The following LHFPL6 variants were observed in gnomAD, a reference collection of about 807,000 sequenced individuals.
LHFPL6 encodes LHFPL tetraspan subfamily member 6, also known as LHFPL tetraspan subfamily member 6 protein.
Under a neutral mutation model 20.6 loss-of-function variants are expected in LHFPL6, and 9 were observed. That is an observed-to-expected ratio of 0.44 (90% confidence interval 0.26 to 0.76). LHFPL6 has a LOEUF of 0.76. LHFPL6 is among the 30% of genes least tolerant of loss of function. The pLI, the probability that LHFPL6 is intolerant of heterozygous loss-of-function variation, is 0.20. For synonymous variants in LHFPL6, 105 were observed against 98.7 expected, an observed-to-expected ratio of 1.06 and a Z score of -0.38; for missense variants, 218 against 253.5, an observed-to-expected ratio of 0.86 and a Z score of 0.95.
chr13:39,543,190 T>C (rs1378240819), intron 2 of LHFPL6, among the ~76,000 whole-genome samples: 2 of 152,262 alleles, frequency 1.3e-5, no homozygotes, highest in Admixed American at 1.3e-4. Flanking sequence ...ATCAGAATTT[T>C]ATTTCTTTTT....
At position 39,446,202 on chromosome 13, in the gene LHFPL6, A is replaced by G. The variant is rs1452543405; in HGVS notation, c.386-67676T>C. Reference sequence around the variant, plus strand: ...CCCTGATAAAGTGGAAGAAATATGAAGATTCAGATACAGCCTGAAGCCCAT... The same window carrying G: ...CCCTGATAAAGTGGAAGAAATATGAGGATTCAGATACAGCCTGAAGCCCAT... On this transcript the variant is annotated intron_variant, in intron 2 of 3. Coordinates refer to ENST00000379589, the MANE Select transcript of LHFPL6 (RefSeq NM_005780.3). Among the ~76,000 whole-genome samples, 3 of 152,192 alleles carry G rather than the reference A, an allele frequency of 2.0e-5. No homozygotes were observed. The East Asian group carries it at 5.8e-4, about 29-fold the overall frequency.
chr13:39,544,177 AAG>A (rs762550908), intron 2 of LHFPL6, among the ~76,000 whole-genome samples: 26 of 152,304 alleles, frequency 1.7e-4, no homozygotes, highest in East Asian at 3.9e-4. Context: ...TTTTGGCAAA[AAG>A]AGGGGGAAAT....
At chr13:39,560,207 C>T (rs555053624) in intron 2 of LHFPL6, among the ~76,000 whole-genome samples, 1 of 152,308 alleles carries the variant, frequency 6.6e-6, no homozygotes, top group African/African-American at 2.4e-5. Context: ...GCATGCTTTG[C>T]CAAAATGTAG....
chr13:39,362,917 C>T (rs1426902594), intron 3 of LHFPL6, among the ~76,000 whole-genome samples: 2 of 152,208 alleles, frequency 1.3e-5, no homozygotes, highest in Non-Finnish European at 2.9e-5. Context: ...AGAGTGTCAT[C>T]CATCTTCTCC....
intron 2 of LHFPL6, among the ~76,000 whole-genome samples, chr13:39,570,517 T>C (rs1341751472): frequency 6.6e-6 from 1 of 151,118 alleles, no homozygotes; most frequent in Non-Finnish European, 1.5e-5. Flanking sequence ...GGGAGTAAAA[T>C]AATAGAGTAA....
At chr13:39,547,177 C>A (rs1871007954) in intron 2 of LHFPL6, among the ~76,000 whole-genome samples, 2 of 152,048 alleles carry the variant, frequency 1.3e-5, no homozygotes, top group Non-Finnish European at 2.9e-5. Context: ...TTTACTAGTT[C>A]TAATTTTAAT....
At chr13:39,509,400 T>C (rs1869606569) in intron 2 of LHFPL6, among the ~76,000 whole-genome samples, 1 of 152,162 alleles carries the variant, frequency 6.6e-6, no homozygotes, top group African/African-American at 2.4e-5. Context: ...TCTTTTCTTC[T>C]AGAAGTTTTA....
chr13:39,458,869 T>G (rs1007181940), intron 2 of LHFPL6, among the ~76,000 whole-genome samples: 1 of 152,162 alleles, frequency 6.6e-6, no homozygotes, highest in Non-Finnish European at 1.5e-5. Flanking sequence ...AATTAAAATA[T>G]TGTAAGGAAA....
intron 2 of LHFPL6, among the ~76,000 whole-genome samples, chr13:39,406,541 T>C (rs1043027843): frequency 2.0e-5 from 3 of 152,210 alleles, no homozygotes; most frequent in Admixed American, 1.3e-4. Context: ...AAGTAATTCT[T>C]GTAAATGCAA....
intron 2 of LHFPL6, among the ~76,000 whole-genome samples, chr13:39,489,924 A>C (rs1868861763): frequency 1.3e-5 from 2 of 152,152 alleles, no homozygotes; most frequent in Non-Finnish European, 2.9e-5. Flanking sequence ...GGCTGGAGTA[A>C]AGTTTAGACC....
chr13:39,527,474 A>G (rs555037965), intron 2 of LHFPL6, among the ~76,000 whole-genome samples: 1 of 152,064 alleles, frequency 6.6e-6, no homozygotes, highest in African/African-American at 2.4e-5. Context: ...CCATCTTTGA[A>G]CAACCGACAA....
Position 39,507,480 on chromosome 13 carries a change from G to A in LHFPL6, c.385+93352C>T, listed in dbSNP as rs180745393. Among the ~76,000 whole-genome samples, 385 of 152,174 alleles carry A rather than the reference G, an allele frequency of 2.5e-3. 1 individual carries two copies. Among genetic ancestry groups the A allele is most frequent in the African/African-American group, 8.8e-3 (367 of 41,490 alleles). ...CAGGCATTTCTCCCCAAAGTATGTG[G>A]GAAATGCCCCAAATTGCTGCAGTTT... On this transcript the variant is annotated intron_variant, in intron 2 of 3. Coordinates refer to ENST00000379589, the MANE Select transcript of LHFPL6 (RefSeq NM_005780.3).
At chr13:39,541,885 C>T (rs1335977607) in intron 2 of LHFPL6, among the ~76,000 whole-genome samples, 3 of 151,354 alleles carry the variant, frequency 2.0e-5, no homozygotes, top group African/African-American at 4.9e-5. Flanking sequence ...ATCAGGAGAT[C>T]GAGACCATCC....
chr13:39,488,730 T>C (rs1485772055), intron 2 of LHFPL6, among the ~76,000 whole-genome samples: 1 of 152,184 alleles, frequency 6.6e-6, no homozygotes, highest in Non-Finnish European at 1.5e-5. Flanking sequence ...CCTGAAAACA[T>C]GAAGCAAAGT....
chr13:39,388,084 T>C (rs1316256074), intron 2 of LHFPL6, among the ~76,000 whole-genome samples: 9 of 152,190 alleles, frequency 5.9e-5, no homozygotes, highest in Admixed American at 3.9e-4. Flanking sequence ...AAAGCATATC[T>C]TATTCAAACA....
intron 3 of LHFPL6, among the ~76,000 whole-genome samples, chr13:39,372,270 A>G (rs1404538124): frequency 6.6e-6 from 1 of 152,262 alleles, no homozygotes; most frequent in Non-Finnish European, 1.5e-5. Context: ...TGTTTGAGCC[A>G]GACTTGTATA....
chr13:39,424,805 T>G (rs1871594992), intron 2 of LHFPL6, among the ~76,000 whole-genome samples: 1 of 152,182 alleles, frequency 6.6e-6, no homozygotes, highest in African/African-American at 2.4e-5. Context: ...TTCTAGACTA[T>G]TTCCCAGAAG....
chr13:39,522,516 C>G (rs1927197), intron 2 of LHFPL6, among the ~76,000 whole-genome samples: 1 of 152,224 alleles, frequency 6.6e-6, no homozygotes, highest in African/African-American at 2.4e-5. Flanking sequence ...CACACACAGC[C>G]TGCACCAGTC....
chr13:39,546,644 A>G (rs1870990346), intron 2 of LHFPL6, among the ~76,000 whole-genome samples: 1 of 152,134 alleles, frequency 6.6e-6, no homozygotes, highest in East Asian at 1.9e-4. Flanking sequence ...AGACCCAGAC[A>G]CGAGAGCCAG....
Sources: gnomAD v4.1 joint callset for allele counts (sites outside exome capture counted in the v4.1 genomes callset) on GRCh38, gnomAD v4.1.1 for gene constraint, MANE v1.5 for transcripts, NCBI Gene and HGNC (gene_info 2026-07-23, HGNC 2026-07-21) for gene names.